The following RAP1GDS1 variants were observed in gnomAD, a reference collection of about 807,000 sequenced individuals.
RAP1GDS1 encodes the protein RAP1, GTP-GDP dissociation stimulator 1.
In RAP1GDS1, 35 loss-of-function variants were observed where a neutral mutation model predicts 71.1. That is an observed-to-expected ratio of 0.49 (90% CI 0.38 to 0.65). The LOEUF is 0.65. Ranked by LOEUF, RAP1GDS1 falls within the 30% of genes least tolerant of loss-of-function variation. The pLI is 0.00. For synonymous variants in RAP1GDS1, 229 were observed against 243.1 expected (o/e 0.94, Z 0.54); for missense variants, 663 against 706.1 (o/e 0.94, Z 0.69).
At chr4:98,427,106 TAAAAC>T (rs1040679479) in intron 12 of RAP1GDS1, among the ~76,000 whole-genome samples, 2 of 151,904 alleles carry the variant, frequency 1.3e-5, no homozygotes, top group African/African-American at 4.8e-5. Context: ...TAAACAGAAT[TAAAAC>T]AAAAATCACA....
At chr4:98,319,802 G>C (rs550404816) in intron 2 of RAP1GDS1, among the ~76,000 whole-genome samples, 1 of 146,574 alleles carries the variant, frequency 6.8e-6, no homozygotes, top group Non-Finnish European at 1.5e-5. Context: ...AAAAAAAAGA[G>C]AGAAATTGGC....
intron 12 of RAP1GDS1, among the ~76,000 whole-genome samples, chr4:98,422,241 T>G (rs1160415344): frequency 2.0e-5 from 3 of 152,064 alleles, no homozygotes; most frequent in Non-Finnish European, 2.9e-5. Flanking sequence ...TTTTTGAGAC[T>G]GAGTCTTGCT....
rs1209590505 is a variant in RAP1GDS1 at position 98,417,288 on chromosome 4, G to A, written c.908-79G>A. The stretch of plus-strand genomic sequence containing the variant: ...GTTTGTGAGGTGTGAGTTTCCAGTT[G>A]GATATTCACCTAAGAATGTGAATTT... On this transcript the variant is annotated intron_variant, in intron 8 of 14. Transcript: ENST00000408927. The A allele has an allele frequency of 5.0e-6, 7 of 1,402,614 alleles. No individual in the cohort carries two copies. The East Asian group carries it at 1.4e-4, about 28-fold the overall frequency. 86.9% of individuals were successfully genotyped at this position (1,402,614 alleles called of 1,614,324 possible). A position where few individuals can be genotyped will look rare whatever the true frequency, so the allele number is the denominator to read the frequency against.
chr4:98,294,081 A>C (rs1480672469), intron 2 of RAP1GDS1, among the ~76,000 whole-genome samples: 1 of 152,124 alleles, frequency 6.6e-6, no homozygotes, highest in Non-Finnish European at 1.5e-5. Context: ...CTAGAGATAG[A>C]AACTGCACAG....
chr4:98,415,072 C>G (rs1747732438), intron 7 of RAP1GDS1, among the ~76,000 whole-genome samples: 2 of 152,070 alleles, frequency 1.3e-5, no homozygotes, highest in African/African-American at 2.4e-5. Context: ...ATTTTGTATT[C>G]CCCAGGGTAT....
chr4:98,282,543 A>AT (rs1725283591), intron 1 of RAP1GDS1, among the ~76,000 whole-genome samples: 1 of 143,994 alleles, frequency 6.9e-6, no homozygotes, highest in African/African-American at 2.5e-5. Flanking sequence ...AATTTTGTTG[A>AT]TCTTTTCAAA....
Position 98,350,832 on chromosome 4 carries a change from C to T in RAP1GDS1, c.236-1644C>T, listed in dbSNP as rs7440164. ...CAGCCTGGGTGACAAAGCAAGGCTC[C>T]GTCTCAAAAATAAATACATAAATAA... On this transcript the variant is annotated intron_variant, in intron 3 of 14. Coordinates refer to ENST00000408927, the MANE Select transcript of RAP1GDS1 (RefSeq NM_001100427.2). Among the ~76,000 whole-genome samples the T allele has an allele frequency of 1.5e-3, 224 of 151,902 alleles. 1 individual carries two copies. The highest frequency in any genetic ancestry group is 6.8e-3 in the Middle Eastern group (2 of 294).
chr4:98,438,590 CT>C (rs1185496995), intron 14 of RAP1GDS1, among the ~76,000 whole-genome samples: 973 of 62,514 alleles, frequency 0.016, 1 homozygote, highest in Non-Finnish European at 0.019. Flanking sequence ...ATATATATAT[CT>C]TTTTTTTTTT....
chr4:98,358,836 T>C (rs575516967), intron 4 of RAP1GDS1, among the ~76,000 whole-genome samples: 44 of 151,920 alleles, frequency 2.9e-4, no homozygotes, highest in Non-Finnish European at 3.7e-4. Flanking sequence ...AGTAGAGTTA[T>C]GCAATGTTAC....
chr4:98,327,066 C>T (rs1164122512), intron 2 of RAP1GDS1, among the ~76,000 whole-genome samples: 1 of 152,150 alleles, frequency 6.6e-6, no homozygotes, highest in Non-Finnish European at 1.5e-5. Flanking sequence ...GATCTCTGAG[C>T]TGATAAATTC....
chr4:98,267,115 T>C (rs1406049479), intron 1 of RAP1GDS1, among the ~76,000 whole-genome samples: 1 of 152,196 alleles, frequency 6.6e-6, no homozygotes, highest in Non-Finnish European at 1.5e-5. Context: ...GATGTTGAGT[T>C]CAGTTTGCCA....
intron 6 of RAP1GDS1, among the ~76,000 whole-genome samples, chr4:98,397,713 C>T (rs1744755906): frequency 6.6e-6 from 1 of 152,132 alleles, no homozygotes; most frequent in African/African-American, 2.4e-5. Flanking sequence ...CCCTCTTTCC[C>T]CTTTCACACC....
In RAP1GDS1 at chr4:98,297,907, G is replaced by A. The variant is rs182443934; in HGVS notation, c.112+4392G>A. On this transcript the variant is annotated intron_variant, in intron 2 of 14. Transcript: ENST00000408927. Reference sequence around the variant, plus strand: ...GCCAAAAGCTAGGCTTCTTGAGCCAGTTAGCCAAGTTGTGAATGCAAAGGA... The same window carrying A: ...GCCAAAAGCTAGGCTTCTTGAGCCAATTAGCCAAGTTGTGAATGCAAAGGA... Among the ~76,000 whole-genome samples the A allele has an allele frequency of 2.0e-5, 3 of 152,320 alleles. No homozygotes were observed. In the East Asian group the frequency reaches 5.8e-4, roughly 29 times the overall value.
rs928150708 is a variant in RAP1GDS1 at position 98,381,245 on chromosome 4, A to G, written c.508+2082A>G. On this transcript the variant is annotated intron_variant, in intron 5 of 14. Coordinates refer to ENST00000408927, the MANE Select transcript of RAP1GDS1 (RefSeq NM_001100427.2). Reference sequence around the variant, plus strand: ...AAAGCTGCAGTTTGCAGCTTTTAAAACTTATCGAATAAAAAAGACATAATC... The same window carrying G: ...AAAGCTGCAGTTTGCAGCTTTTAAAGCTTATCGAATAAAAAAGACATAATC... Among the ~76,000 whole-genome samples the G allele has an allele frequency of 6.2e-4, 94 of 151,644 alleles. 1 individual carries two copies. The highest frequency in any genetic ancestry group is 2.1e-3 in the African/African-American group (89 of 41,518).
At chr4:98,346,831 A>G (rs1315904799) in intron 3 of RAP1GDS1, among the ~76,000 whole-genome samples, 1 of 152,212 alleles carries the variant, frequency 6.6e-6, no homozygotes, top group Admixed American at 6.5e-5. Flanking sequence ...GGCGTGAGCC[A>G]CTGCGCCCGG....
chr4:98,312,865 C>T (rs562599896), intron 2 of RAP1GDS1, among the ~76,000 whole-genome samples: 23 of 151,126 alleles, frequency 1.5e-4, no homozygotes, highest in African/African-American at 5.6e-4. Context: ...GTCAGGAGAT[C>T]GAGACCATCC....
At chr4:98,275,677 G>C (rs779760587) in intron 1 of RAP1GDS1, among the ~76,000 whole-genome samples, 1 of 152,098 alleles carries the variant, frequency 6.6e-6, no homozygotes, top group African/African-American at 2.4e-5. Context: ...CTATAGAGTA[G>C]TGCTGCACTA....
At chr4:98,439,696 G>A (rs1297153203) in intron 14 of RAP1GDS1, among the ~76,000 whole-genome samples, 1 of 152,024 alleles carries the variant, frequency 6.6e-6, no homozygotes, top group East Asian at 1.9e-4. Context: ...CCTCTATTCT[G>A]ATGTTGAACC....
In RAP1GDS1 at chr4:98,408,103, TA is replaced by T. The variant is rs200603987; in HGVS notation, c.763+3502del. 7.1e-3 allele frequency among the ~76,000 whole-genome samples: 956 copies of T among 135,044 alleles called. 1 individual carries two copies. The highest frequency in any genetic ancestry group is 9.6e-3 in the Non-Finnish European group (617 of 64,058). The allele number at this position is 135,044 out of a possible 152,430, so 88.6% of individuals were successfully genotyped here. On this transcript the variant is annotated intron_variant, in intron 7 of 14. Coordinates refer to ENST00000408927, the MANE Select transcript of RAP1GDS1 (RefSeq NM_001100427.2). ...TGCCCATATATTTTATATATATATA[TA>T]TTTTTTTTTTTCCCTCCCCCGCAAG...
Sources: gnomAD v4.1 joint callset for allele counts (sites outside exome capture counted in the v4.1 genomes callset) on GRCh38, gnomAD v4.1.1 for gene constraint, MANE v1.5 for transcripts, NCBI Gene and HGNC (gene_info 2026-07-23, HGNC 2026-07-21) for gene names.